Variants in ZNF33B observed in about 807,000 individuals in gnomAD.
The protein encoded by ZNF33B is zinc finger protein 33B.
ZNF33B carries 29 observed loss-of-function variants against 45.8 expected under a neutral mutation model. The ratio of observed to expected loss-of-function variants is 0.63; its 90% CI spans 0.47 to 0.86. ZNF33B has a LOEUF of 0.86. Ranked by LOEUF, ZNF33B falls within the 40% of genes least tolerant of loss-of-function variation. The probability of loss-of-function intolerance (pLI) is 0.00; values close to 1 mark genes in which losing one functional copy is unlikely to be tolerated. For missense variants in ZNF33B, 831 were observed against 909.9 expected (o/e 0.91, Z 1.12); for synonymous variants, 305 against 307.8 (o/e 0.99, Z 0.10).
At chr10:42,577,861 T>C (rs749245056) in intron 1 of ZNF33B, among the ~76,000 whole-genome samples, 2 of 152,202 alleles carry the variant, frequency 1.3e-5, no homozygotes, top group Non-Finnish European at 2.9e-5. Context: ...TTGTGCACCC[T>C]GTTCCCACTG....
chr10:42,605,547 CA>C lies in ZNF33B; in HGVS notation c.251-10849del, dbSNP rs548000921. On this transcript the variant is annotated intron_variant, in intron 4 of 4. Transcript: ENST00000359467. ...CTCAAATTAAAAAACAAATAGAAAC[CA>C]AAAAAACTTGAGAATCCATTGCTAG... 1.3e-4 allele frequency among the ~76,000 whole-genome samples: 19 copies of C among 151,752 alleles called. No individual in the cohort carries two copies. In the East Asian group the frequency reaches 3.7e-3, roughly 29 times the overall value.
At chr10:42,600,321 T>C (rs1351299972) in intron 4 of ZNF33B, among the ~76,000 whole-genome samples, 2 of 152,184 alleles carry the variant, frequency 1.3e-5, no homozygotes, top group Admixed American at 6.5e-5. Flanking sequence ...TGTGGATCTA[T>C]TTCTCCTTCC....
intron 1 of ZNF33B, among the ~76,000 whole-genome samples, chr10:42,576,049 C>G (rs1419388132): frequency 2.0e-5 from 3 of 152,098 alleles, no homozygotes; most frequent in Admixed American, 6.6e-5. Flanking sequence ...TGCCACCATG[C>G]CCAGCTAATT....
chr10:42,574,450 G>C (rs1230273888), exon 2 of ZNF33B: 3 of 152,116 alleles, frequency 2.0e-5, no homozygotes, highest in African/African-American at 7.2e-5. Flanking sequence ...CGGATGTGTT[G>C]GTTTCCTTGA....
chr10:42,638,008 G>A (rs1205749136), intron 1 of ZNF33B, among the ~76,000 whole-genome samples: 2 of 152,186 alleles, frequency 1.3e-5, no homozygotes, highest in Non-Finnish European at 2.9e-5. Flanking sequence ...TAGGACAGAG[G>A]AACAGCAAAT....
At chr10:42,638,099 T>C (rs1589083470) in intron 1 of ZNF33B, among the ~76,000 whole-genome samples, 1 of 152,228 alleles carries the variant, frequency 6.6e-6, no homozygotes. Context: ...ACAGAGTCCG[T>C]ATGTCGGGCG....
At chr10:42,603,166 CAGT>C (rs1279343452) in intron 4 of ZNF33B, among the ~76,000 whole-genome samples, 1 of 152,174 alleles carries the variant, frequency 6.6e-6, no homozygotes, top group Admixed American at 6.5e-5. Context: ...TCATAAAGCA[CAGT>C]ATCACCCACC....
chr10:42,596,970 G>A (rs1837426460), intron 4 of ZNF33B, among the ~76,000 whole-genome samples: 1 of 149,932 alleles, frequency 6.7e-6, no homozygotes, highest in Non-Finnish European at 1.5e-5. Flanking sequence ...TCAGGTATGA[G>A]TGTACATCCT....
intron 4 of ZNF33B, among the ~76,000 whole-genome samples, chr10:42,613,982 G>GC (rs921913971): frequency 1.3e-5 from 2 of 152,182 alleles, no homozygotes; most frequent in African/African-American, 4.8e-5. Context: ...AAAAACAACA[G>GC]CAACAAAATT....
At chr10:42,606,972 A>G (rs1210161586) in intron 4 of ZNF33B, among the ~76,000 whole-genome samples, 2 of 152,140 alleles carry the variant, frequency 1.3e-5, no homozygotes, top group African/African-American at 4.8e-5. Context: ...TAAAATCTGA[A>G]ATGCTCCAAC....
intron 4 of ZNF33B, among the ~76,000 whole-genome samples, chr10:42,606,377 A>G (rs1483610125): frequency 1.3e-5 from 2 of 152,104 alleles, no homozygotes; most frequent in African/African-American, 4.8e-5. Flanking sequence ...AGACAGAAGA[A>G]TCACTTGAAC....
At chr10:42,583,353 C>A (rs1836861730) in intron 1 of ZNF33B, 1 of 386,618 alleles carries the variant, frequency 2.6e-6, no homozygotes, top group Non-Finnish European at 4.9e-6. Flanking sequence ...GCAAAACAAA[C>A]AGGCATTCCA....
intron 1 of ZNF33B, among the ~76,000 whole-genome samples, chr10:42,576,649 T>G (rs1420145524): frequency 6.6e-6 from 1 of 152,216 alleles, no homozygotes; most frequent in Admixed American, 6.5e-5. Flanking sequence ...GTGTGAATTC[T>G]GATTCCGTGG....
At chr10:42,603,796 AAG>A (rs34366908) in intron 4 of ZNF33B, among the ~76,000 whole-genome samples, 41,427 of 152,116 alleles carry the variant, frequency 0.27, 6,859 homozygotes, top group Non-Finnish European at 0.38. Flanking sequence ...GATTCACTCA[AAG>A]AGAGCACTGT....
rs181462126 is a variant in ZNF33B, at chr10:42,600,459, G to A, written c.251-5760C>T. On this transcript the variant is annotated intron_variant, in intron 4 of 4. Transcript: ENST00000359467. ...CTTTATCACTGGTATTCCTGGCTCTGAAAGCTACTTCATCTGGCTGTCACA... is the reference window on the plus strand; with the variant it reads ...CTTTATCACTGGTATTCCTGGCTCTAAAAGCTACTTCATCTGGCTGTCACA... Among the ~76,000 whole-genome samples, 210 of 152,246 alleles carry A rather than the reference G, an allele frequency of 1.4e-3. 1 individual carries two copies. The highest frequency in any genetic ancestry group is 5.0e-3 in the African/African-American group (206 of 41,558).
chr10:42,623,806 T>C (rs1288737428), intron 4 of ZNF33B, among the ~76,000 whole-genome samples: 1 of 152,248 alleles, frequency 6.6e-6, no homozygotes, highest in East Asian at 1.9e-4. Context: ...TTAAAAACTG[T>C]TAAAATGGCA....
intron 4 of ZNF33B, among the ~76,000 whole-genome samples, chr10:42,612,996 G>C (rs1476543183): frequency 6.6e-6 from 1 of 152,074 alleles, no homozygotes; most frequent in Non-Finnish European, 1.5e-5. Context: ...AAGAAGCCAG[G>C]AATAAAGGCA....
chr10:42,611,382 T>C (rs1261376228), intron 4 of ZNF33B, among the ~76,000 whole-genome samples: 2 of 151,726 alleles, frequency 1.3e-5, no homozygotes, highest in Non-Finnish European at 2.9e-5. Context: ...TTTCAAGAAA[T>C]GATGCTGAGA....
downstream of ZNF33B, among the ~76,000 whole-genome samples, chr10:42,585,829 T>C (rs1385217520): frequency 6.6e-6 from 1 of 152,178 alleles, no homozygotes. Flanking sequence ...CTCTCTTCCA[T>C]TCAAGTGGTA....
Sources: gnomAD v4.1 joint callset for allele counts (sites outside exome capture counted in the v4.1 genomes callset) on GRCh38, gnomAD v4.1.1 for gene constraint, MANE v1.5 for transcripts, NCBI Gene and HGNC (gene_info 2026-07-23, HGNC 2026-07-21) for gene names.